Variants in PRKCH observed in about 807,000 individuals in gnomAD.
PRKCH encodes protein kinase C eta.
PRKCH carries 28 observed loss-of-function variants against 82.5 expected under a neutral mutation model. The observed-to-expected ratio is 0.34, with a 90% CI of 0.25 to 0.47. The LOEUF is 0.47. PRKCH is among the 20% of genes least tolerant of loss of function. PRKCH has a pLI of 1.00. For missense variants in PRKCH, 705 were observed against 881.8 expected, an observed-to-expected ratio of 0.80 and a Z score of 2.54; for synonymous variants, 322 against 327.4, an observed-to-expected ratio of 0.98 and a Z score of 0.18.
intron 10 of PRKCH, among the ~76,000 whole-genome samples, chr14:61,507,411 G>A (rs1023358756): frequency 6.6e-6 from 1 of 152,110 alleles, no homozygotes; most frequent in African/African-American, 2.4e-5. Flanking sequence ...ACTATCATAT[G>A]ACCCAGCAAT....
intron 2 of PRKCH, 69 bp downstream of exon 2, chr14:61,391,357 T>C (rs914172962): frequency 1.6e-6 from 2 of 1,287,198 alleles, no homozygotes; most frequent in Non-Finnish European, 2.2e-6. Flanking sequence ...GGAATTTCTA[T>C]CATGGACATT....
intron 2 of PRKCH, among the ~76,000 whole-genome samples, chr14:61,428,880 C>CT (rs1883258537): frequency 6.6e-6 from 1 of 152,094 alleles, no homozygotes; most frequent in African/African-American, 2.4e-5. Flanking sequence ...TACTCTGTCT[C>CT]TTTAAAATAC....
chr14:61,443,062 G>T (rs376509912), intron 2 of PRKCH, 49 bp from the exon 3 acceptor site: 2 of 1,560,872 alleles, frequency 1.3e-6, no homozygotes, highest in Non-Finnish European at 1.8e-6. Context: ...TATTAGGTGC[G>T]TTAGGTTCCT....
intron 1 of PRKCH, among the ~76,000 whole-genome samples, chr14:61,360,834 A>G (rs2046215239): frequency 6.6e-6 from 1 of 152,216 alleles, no homozygotes; most frequent in South Asian, 2.1e-4. Flanking sequence ...ACTCACCAGA[A>G]TCTTTCATCA....
intron 1 of PRKCH, among the ~76,000 whole-genome samples, chr14:61,235,291 A>G (rs578071368): frequency 6.6e-5 from 10 of 152,304 alleles, no homozygotes; most frequent in Non-Finnish European, 1.2e-4. Context: ...AATTCTTTCC[A>G]TCACCGCTAG....
intron 2 of PRKCH, among the ~76,000 whole-genome samples, chr14:61,431,887 ATCT>A (rs1169473217): frequency 6.6e-6 from 1 of 152,104 alleles, no homozygotes; most frequent in African/African-American, 2.4e-5. Flanking sequence ...CCTGCTTTGC[ATCT>A]TCTTTAATTC....
chr14:61,387,198 C>G (rs745697497), intron 1 of PRKCH, among the ~76,000 whole-genome samples: 1 of 152,206 alleles, frequency 6.6e-6, no homozygotes, highest in Non-Finnish European at 1.5e-5. Context: ...CAAACCTGAA[C>G]CAGTAGATGC....
intron 12 of PRKCH, among the ~76,000 whole-genome samples, chr14:61,530,839 T>C (rs1348435983): frequency 1.3e-5 from 2 of 152,250 alleles, no homozygotes; most frequent in East Asian, 3.8e-4. Flanking sequence ...ATAACTTTGT[T>C]TGCCAAATAG....
intron 1 of PRKCH, among the ~76,000 whole-genome samples, chr14:61,334,356 T>TA (rs1023965033): frequency 2.0e-5 from 3 of 151,924 alleles, no homozygotes; most frequent in African/African-American, 7.3e-5. Flanking sequence ...AAATGCTGGG[T>TA]AGGTACCAAG....
At chr14:61,428,042 T>TATAGATAG (rs1166349303) in intron 2 of PRKCH, among the ~76,000 whole-genome samples, 2,845 of 121,764 alleles carry the variant, frequency 0.023, 138 homozygotes, top group African/African-American at 0.084. Flanking sequence ...AATATATATA[T>TATAGATAG]ATAGATAGAT....
At chr14:61,339,373 G>A (rs1594926782) in intron 1 of PRKCH, among the ~76,000 whole-genome samples, 1 of 150,624 alleles carries the variant, frequency 6.6e-6, no homozygotes, top group Admixed American at 6.6e-5. Flanking sequence ...GCCCAGGCTG[G>A]AGCGCAGTGG....
intron 1 of PRKCH, among the ~76,000 whole-genome samples, chr14:61,237,197 C>G (rs1158518266): frequency 6.8e-6 from 1 of 146,712 alleles, no homozygotes; most frequent in Admixed American, 6.9e-5. Flanking sequence ...AAGCTGAGAT[C>G]ATGCCACTGT....
In PRKCH at chr14:61,447,864, C is replaced by T. The variant is rs185025649; in HGVS notation, c.614-1300C>T. The stretch of plus-strand genomic sequence containing the variant: ...AGTAGAAAGATCTAAAACCAAGATT[C>T]GAAATTTCCACCTTAGGAAACTAGA... On this transcript the variant is annotated intron_variant, in intron 4 of 13. Coordinates refer to ENST00000332981, the MANE Select transcript of PRKCH (RefSeq NM_006255.5). Among the ~76,000 whole-genome samples the T allele has an allele frequency of 3.9e-5, 6 of 152,174 alleles. No homozygotes were observed. The East Asian group carries it at 7.7e-4, about 20-fold the overall frequency.
At chr14:61,309,276 C>T (rs2045504414) in intron 1 of PRKCH, among the ~76,000 whole-genome samples, 1 of 151,920 alleles carries the variant, frequency 6.6e-6, no homozygotes, top group African/African-American at 2.4e-5. Context: ...GAGTGAGACC[C>T]TGTCTCAAAA....
chr14:61,246,710 TAAC>T (rs374573093), intron 1 of PRKCH, among the ~76,000 whole-genome samples: 83 of 152,264 alleles, frequency 5.5e-4, no homozygotes, highest in African/African-American at 1.9e-3. Context: ...GCCCTTTAAA[TAAC>T]AACCATGTTG....
At chr14:61,372,562 T>C (rs2046376181) in intron 1 of PRKCH, among the ~76,000 whole-genome samples, 1 of 152,040 alleles carries the variant, frequency 6.6e-6, no homozygotes, top group Non-Finnish European at 1.5e-5. Flanking sequence ...TTGTATCCCT[T>C]ATGAGAAAGA....
intron 1 of PRKCH, among the ~76,000 whole-genome samples, chr14:61,323,736 C>A (rs1393845697): frequency 2.6e-5 from 4 of 152,076 alleles, no homozygotes; most frequent in Non-Finnish European, 4.4e-5. Context: ...TCCCTTCAGC[C>A]TAATTTACTT....
chr14:61,275,562 A>T (rs2045194474), intron 1 of PRKCH, among the ~76,000 whole-genome samples: 1 of 152,154 alleles, frequency 6.6e-6, no homozygotes, highest in Non-Finnish European at 1.5e-5. Context: ...GACAAATCGC[A>T]CTTAAATTGA....
intron 1 of PRKCH, among the ~76,000 whole-genome samples, chr14:61,356,029 G>A (rs944209353): frequency 6.6e-6 from 1 of 152,094 alleles, no homozygotes; most frequent in East Asian, 1.9e-4. Flanking sequence ...GTAACACATC[G>A]CCACCCCTTT....
Sources: allele counts gnomAD v4.1 joint callset (sites outside exome capture counted in the v4.1 genomes callset), GRCh38; gene constraint gnomAD v4.1.1; transcripts MANE v1.5; gene names NCBI Gene and HGNC (gene_info 2026-07-23, HGNC 2026-07-21).